CHAF1A: variants seen among roughly 807,000 people sequenced by gnomAD.
The protein encoded by CHAF1A is CAF-1 subunit A.
Under a neutral mutation model 93.2 loss-of-function variants are expected in CHAF1A, and 5 were observed. The observed-to-expected ratio is 0.05, with a 90% confidence interval of 0.03 to 0.11. The LOEUF (loss-of-function observed/expected upper bound fraction) is 0.11. Among genes scored for constraint, CHAF1A ranks in the 10% least tolerant of loss-of-function variants. CHAF1A has a pLI of 1.00. For missense variants in CHAF1A, 1,102 were observed against 1,259.9 expected (o/e 0.87, Z 1.90); for synonymous variants, 504 against 510.3 (o/e 0.99, Z 0.17).
chr19:4,450,829 A>C, the CHAF1A span: 1 of 151,874 alleles, frequency 6.6e-6, no homozygotes, highest in South Asian at 2.1e-4. Context: ...CTATCTACTA[A>C]ATAATGTAGA....
rs781268125 is a variant in CHAF1A, at chr19:4,428,865, A to G, written c.1579A>G (p.Thr527Ala). 2 of 1,613,722 alleles carry G rather than the reference A, an allele frequency of 1.2e-6. No homozygotes were observed. The highest frequency in any genetic ancestry group is 1.7e-6 in the Non-Finnish European group (2 of 1,179,988). ...GAGGTCCGGACCCACGCACGTTTCC[A>G]CCCGGAATGCAGATATTTTTAACAG... is the stretch of plus-strand genomic sequence containing the variant. The part of the protein sequence containing the change: ...PLRSGPTHVS[T>A]RNADIFNSDV... The change falls in exon 8 of 15, where the codon ACC becomes GCC. Residue 527 changes from threonine (T) to alanine (A), a missense_variant. This residue lies in a region of CHAF1A where 335 missense variants were observed against 361.9 expected (regional missense o/e 0.93). Coordinates refer to ENST00000301280, the MANE Select transcript of CHAF1A (RefSeq NM_005483.3).
At chr19:4,445,794 C>T (rs1438894456), downstream of CHAF1A, 2 of 1,186,676 alleles carry the variant, frequency 1.7e-6, no homozygotes, top group Admixed American at 2.8e-5. Flanking sequence ...GACTCCAGGA[C>T]CTAAGCCTAA....
In CHAF1A at chr19:4,409,669, C is replaced by G. The variant is rs756872011; in HGVS notation, c.870C>G (p.Pro290=). Residue 290 remains proline, a synonymous_variant, in exon 3 of 15, where the codon CCC becomes CCG. Transcript: ENST00000301280. ...TCAGCCATTCGTCCCTGAGCTCTCC[C>G]TCTTCCACCAGCTCGCCCGAGGGGC... ...SVLSHSSLSS[P]SSTSSPEGPP... 7.4e-6 allele frequency: 12 copies of G among 1,614,206 alleles called. No homozygotes were observed. The highest frequency in any genetic ancestry group is 2.2e-5 in the South Asian group (2 of 91,084).
Position 4,422,654 on chromosome 19 carries a change from A to G in CHAF1A, c.1106A>G (p.Glu369Gly). 1 of 1,606,394 alleles carries G rather than the reference A, an allele frequency of 6.2e-7. No individual in the cohort carries two copies. Among genetic ancestry groups the G allele is most frequent in the Non-Finnish European group, 8.5e-7 (1 of 1,176,422 alleles). Residue 369 changes from glutamate (E) to glycine (G), a missense_variant, in exon 5 of 15, where the codon GAG becomes GGG. By Grantham distance (98) the Glu-to-Gly change is moderately conservative (BLOSUM62 -2). Around this residue, in one of 6 missense-constraint regions of CHAF1A, gnomAD observed 165 missense variants for 243.9 expected, o/e 0.68. Coordinates refer to ENST00000301280, the MANE Select transcript of CHAF1A (RefSeq NM_005483.3). The surrounding 1 kb of genome is among the most constrained non-coding windows in gnomAD (Gnocchi z 4.6). Reference sequence around the variant, plus strand: ...AAAGAGGAGGCCAAGCGGGCCAAGGAGGAGGCCAAGAAGAAGAAGGAGGAA... The same window carrying G: ...AAAGAGGAGGCCAAGCGGGCCAAGGGGGAGGCCAAGAAGAAGAAGGAGGAA... ...KLKEEAKRAK[E>G]EAKKKKEEEK...
At chr19:4,427,940 T>C (rs1465449693) in intron 7 of CHAF1A, among the ~76,000 whole-genome samples, 2 of 152,328 alleles carry the variant, frequency 1.3e-5, no homozygotes, top group East Asian at 3.9e-4. Context: ...GCCAGGCTGG[T>C]CTCGAACTCC....
intron 3 of CHAF1A, among the ~76,000 whole-genome samples, chr19:4,411,793 G>C (rs1019961315): frequency 6.6e-6 from 1 of 151,622 alleles, no homozygotes; most frequent in African/African-American, 2.4e-5. Context: ...GATTACAGGT[G>C]CCCACCACCA....
intron 9 of CHAF1A, 29 bp from the exon 10 acceptor site, chr19:4,429,679 T>C (rs765349849): frequency 3.7e-6 from 6 of 1,613,784 alleles, no homozygotes; most frequent in South Asian, 1.1e-5. Context: ...CCAAAGACAG[T>C]TGTGAGTCCC....
chr19:4,446,401 C>A, downstream of CHAF1A: 1 of 1,579,000 alleles, frequency 6.3e-7, no homozygotes. Context: ...TCAGCCGCTC[C>A]ACCGCCTCGG....
downstream of CHAF1A, chr19:4,445,994 CAGG>C: frequency 6.5e-7 from 1 of 1,548,204 alleles, no homozygotes; most frequent in Non-Finnish European, 8.7e-7. Context: ...GTGCCGGTCC[CAGG>C]AGAACCTGCA....
chr19:4,436,724 G>A (rs1420412402), intron 13 of CHAF1A, among the ~76,000 whole-genome samples: 2 of 152,066 alleles, frequency 1.3e-5, no homozygotes, highest in East Asian at 3.9e-4. Context: ...GGCCCTGGAC[G>A]GCCTCCTTCC....
chr19:4,424,865 C>A (rs1226860472), intron 7 of CHAF1A, among the ~76,000 whole-genome samples: 1 of 152,196 alleles, frequency 6.6e-6, no homozygotes, highest in Non-Finnish European at 1.5e-5. Context: ...GAACTCCTGA[C>A]CTCAGGTGAT....
At chr19:4,445,288 CG>C, downstream of CHAF1A, 1 of 759,156 alleles carries the variant, frequency 1.3e-6, no homozygotes, top group Non-Finnish European at 2.1e-6. Flanking sequence ...GCCTCTCCCT[CG>C]GGGGCTTGGG....
At chr19:4,442,465 T>A in intron 14 of CHAF1A, 124 bp downstream of exon 14, 2 of 808,394 alleles carry the variant, frequency 2.5e-6, no homozygotes, top group Non-Finnish European at 4.0e-6. Context: ...GGCTTGCAGC[T>A]GGAAGTGGCT....
chr19:4,448,675 T>C (rs1974592984), downstream of CHAF1A: 1 of 522,842 alleles, frequency 1.9e-6, no homozygotes, highest in Non-Finnish European at 3.5e-6. Flanking sequence ...TCCATGGGAC[T>C]TGGAAGCCAG....
chr19:4,446,347 C>G (rs1397353354), downstream of CHAF1A: 1 of 1,571,066 alleles, frequency 6.4e-7, no homozygotes, highest in Non-Finnish European at 8.6e-7. Context: ...TGCGCAGCCC[C>G]CGCTGCTCCT....
Position 4,433,172 on chromosome 19 carries a change from A to G in CHAF1A, c.2306A>G (p.His769Arg), listed in dbSNP as rs200659108. 14 of 1,613,704 alleles carry G rather than the reference A, an allele frequency of 8.7e-6. No individual in the cohort carries two copies. Among genetic ancestry groups the G allele is most frequent in the Middle Eastern group, 3.3e-4 (2 of 6,062 alleles). The change falls in exon 13 of 15, where the codon CAC (histidine) becomes CGC (arginine). Residue 769 changes from histidine (H) to arginine (R), a missense_variant. His to Arg is a conservative substitution (Grantham distance 29, BLOSUM62 0). Around this residue, in one of 6 missense-constraint regions of CHAF1A, gnomAD observed 335 missense variants for 361.9 expected, o/e 0.93. Coordinates refer to ENST00000301280, the MANE Select transcript of CHAF1A (RefSeq NM_005483.3). This position sits in a 1 kb window ranked among gnomAD's most constrained non-coding sequence, Gnocchi z 5.6. ...TGCCGCCGGGGACTGCTCAGCAACC[A>G]CACCGGCAGCCCGCGGAGCCCCTCC... ...EHCRRGLLSNHTGSPRSPSTT... is the reference protein window; with the variant it reads ...EHCRRGLLSNRTGSPRSPSTT...
At chr19:4,440,668 T>G (rs1055765224) in intron 13 of CHAF1A, among the ~76,000 whole-genome samples, 3 of 151,996 alleles carry the variant, frequency 2.0e-5, no homozygotes, top group Non-Finnish European at 4.4e-5. Flanking sequence ...TGGGGCTAGG[T>G]TGCTCTTACA....
At chr19:4,430,147 G>A in intron 10 of CHAF1A, 1 of 349,518 alleles carries the variant, frequency 2.9e-6, no homozygotes, top group Non-Finnish European at 5.3e-6. Context: ...TGTCTGTCGG[G>A]AGGCCATGCA....
At chr19:4,415,381 G>C (rs73918232) in intron 3 of CHAF1A, among the ~76,000 whole-genome samples, 50 of 152,296 alleles carry the variant, frequency 3.3e-4, no homozygotes, top group African/African-American at 7.0e-4. Context: ...CACAGCAGAG[G>C]GGGGGCATTG....
Sources: gnomAD v4.1 joint callset for allele counts (sites outside exome capture counted in the v4.1 genomes callset) on GRCh38, gnomAD v4.1.1 for gene constraint, gnomAD v4.1.1 regional missense constraint, Gnocchi (gnomAD v3.1) non-coding constraint, MANE v1.5 for transcripts, NCBI Gene and HGNC (gene_info 2026-07-23, HGNC 2026-07-21) for gene names.